Variants in MOB1B observed in about 807,000 individuals in gnomAD.
MOB1B encodes the protein MOB kinase activator 1B.
In MOB1B, 19 loss-of-function variants were observed where a neutral mutation model predicts 24.4. The observed-to-expected ratio is 0.78, with a 90% CI of 0.54 to 1.14. The LOEUF is 1.14. MOB1B is among the 50% of genes most tolerant of loss of function. MOB1B has a pLI of 0.00. For synonymous variants in MOB1B, 76 were observed against 82.1 expected (o/e 0.93, Z 0.40); for missense variants, 243 against 259.6 (o/e 0.94, Z 0.44).
At chr4:70,964,901 G>A (rs1738450462) in intron 2 of MOB1B, among the ~76,000 whole-genome samples, 1 of 149,968 alleles carries the variant, frequency 6.7e-6, no homozygotes, top group Non-Finnish European at 1.5e-5. Flanking sequence ...TTGCACTCCA[G>A]CCTAGGCAAC....
At chr4:70,933,613 G>A (rs532133687) in intron 1 of MOB1B, among the ~76,000 whole-genome samples, 3 of 139,596 alleles carry the variant, frequency 2.1e-5, no homozygotes, top group South Asian at 4.7e-4. Flanking sequence ...GTGCAATGGT[G>A]TGATCTCGGC....
chr4:70,972,750 A>C (rs1432632488), intron 3 of MOB1B, among the ~76,000 whole-genome samples: 1 of 149,816 alleles, frequency 6.7e-6, no homozygotes, highest in East Asian at 1.9e-4. Context: ...AGGTCTAAGC[A>C]ATACACAATT....
intron 3 of MOB1B, among the ~76,000 whole-genome samples, chr4:70,970,595 T>C (rs1738715087): frequency 6.6e-6 from 1 of 152,248 alleles, no homozygotes; most frequent in Non-Finnish European, 1.5e-5. Flanking sequence ...GTTGAATCAG[T>C]ACATTTTGGA....
chr4:70,968,126 AG>A (rs1418951443), intron 2 of MOB1B, among the ~76,000 whole-genome samples: 1 of 152,250 alleles, frequency 6.6e-6, no homozygotes, highest in Non-Finnish European at 1.5e-5. Context: ...CTGGGGTTAC[AG>A]GCGTGAGCCA....
rs202152238 is a variant in MOB1B, at chr4:70,911,897, C to CT, written c.14+9364dup. 6.8e-3 allele frequency among the ~76,000 whole-genome samples: 949 copies of CT among 139,726 alleles called. 9 individuals carry two copies. Among genetic ancestry groups the CT allele is most frequent in the African/African-American group, 0.017 (646 of 38,358 alleles). The allele number at this position is 139,726 out of a possible 152,430, so 91.7% of individuals were successfully genotyped here. Reference sequence around the variant, plus strand: ...TTTATATTAACCAACTTAAGGCCATCTTTTTTTTTTTTTTTTTGAGACAGG... The same window carrying CT: ...TTTATATTAACCAACTTAAGGCCATCTTTTTTTTTTTTTTTTTTGAGACAGG... On this transcript the variant is annotated intron_variant, in intron 1 of 5. Transcript: ENST00000309395.
At chr4:70,969,499 C>G (rs1738669505) in intron 2 of MOB1B, among the ~76,000 whole-genome samples, 2 of 152,106 alleles carry the variant, frequency 1.3e-5, no homozygotes, top group Non-Finnish European at 2.9e-5. Context: ...CTTTTTAGGG[C>G]CTATGGAATG....
intron 1 of MOB1B, among the ~76,000 whole-genome samples, chr4:70,905,455 C>T (rs1350449930): frequency 6.6e-6 from 1 of 151,758 alleles, no homozygotes; most frequent in East Asian, 1.9e-4. Flanking sequence ...TGCCATGTTG[C>T]CCAGGCTGGT....
intron 1 of MOB1B, among the ~76,000 whole-genome samples, chr4:70,942,485 C>T (rs1447845402): frequency 2.0e-5 from 3 of 151,810 alleles, no homozygotes; most frequent in African/African-American, 7.3e-5. Context: ...TCATAAATGC[C>T]ATGGTTTTGA....
Position 70,981,566 on chromosome 4 carries a change from A to C in MOB1B, c.574-414A>C, listed in dbSNP as rs192988757. Reference sequence around the variant, plus strand: ...GTAACCAGGTTTTGGCTTTTCATATAATGCTGAATTTGCCTGAGATGCTAG... The same window carrying C: ...GTAACCAGGTTTTGGCTTTTCATATCATGCTGAATTTGCCTGAGATGCTAG... On this transcript the variant is annotated intron_variant, in intron 5 of 5. Coordinates refer to ENST00000309395, the MANE Select transcript of MOB1B (RefSeq NM_173468.4). Among the ~76,000 whole-genome samples the C allele has an allele frequency of 1.9e-3, 283 of 152,272 alleles. 1 individual carries two copies. The highest frequency in any genetic ancestry group is 6.4e-3 in the African/African-American group (267 of 41,552).
intron 1 of MOB1B, among the ~76,000 whole-genome samples, chr4:70,910,730 C>A (rs1265846440): frequency 6.6e-6 from 1 of 151,818 alleles, no homozygotes. Flanking sequence ...ATAAAAATCA[C>A]TCATAATCAC....
intron 2 of MOB1B, among the ~76,000 whole-genome samples, chr4:70,967,123 T>C (rs1046380955): frequency 2.0e-5 from 3 of 151,976 alleles, no homozygotes; most frequent in Non-Finnish European, 4.4e-5. Flanking sequence ...ACCACCAATA[T>C]GTTACTGGAG....
chr4:70,936,511 C>T (rs567936957), intron 1 of MOB1B, among the ~76,000 whole-genome samples: 123 of 152,190 alleles, frequency 8.1e-4, no homozygotes, highest in East Asian at 3.9e-3. Context: ...CTGGCTCATT[C>T]GATCTTTTTG....
intron 1 of MOB1B, among the ~76,000 whole-genome samples, chr4:70,912,181 G>A (rs1316612355): frequency 6.6e-6 from 1 of 152,086 alleles, no homozygotes; most frequent in Admixed American, 6.6e-5. Context: ...ACAGGCGTGA[G>A]CCACCGTGCC....
chr4:70,934,115 C>T (rs1045835766), intron 1 of MOB1B, among the ~76,000 whole-genome samples: 15 of 151,752 alleles, frequency 9.9e-5, no homozygotes, highest in East Asian at 1.9e-4. Context: ...GGTGAAGTCT[C>T]GCTCTGTTGC....
intron 1 of MOB1B, among the ~76,000 whole-genome samples, chr4:70,926,280 T>TA (rs1172118594): frequency 6.6e-6 from 1 of 151,718 alleles, no homozygotes; most frequent in African/African-American, 2.4e-5. Context: ...TTTTTTTTTT[T>TA]AATTAACTGA....
chr4:70,988,125 G>A lies in MOB1B; in HGVS notation c.*6068G>A, dbSNP rs1207887411. 6.6e-6 allele frequency: 1 copy of A among 151,024 alleles called. No homozygotes were observed. The highest frequency in any genetic ancestry group is 1.5e-5 in the Non-Finnish European group (1 of 67,724). The allele number at this position is 151,024 out of a possible 1,614,324, so 9.4% of individuals were successfully genotyped here. A position where few individuals can be genotyped will look rare whatever the true frequency, so the allele number is the denominator to read the frequency against. On this transcript the variant is annotated 3_prime_UTR_variant, in exon 6 of 6. Transcript: ENST00000309395. Reference sequence around the variant, plus strand: ...TTTTTTTTTAAAGAAGAAACTCAATGTTTATAAGAAAAAAATGAATAAATA... The same window carrying A: ...TTTTTTTTTAAAGAAGAAACTCAATATTTATAAGAAAAAAATGAATAAATA...
intron 1 of MOB1B, among the ~76,000 whole-genome samples, chr4:70,914,639 A>C (rs538604278): frequency 1.3e-5 from 2 of 152,356 alleles, no homozygotes; most frequent in South Asian, 4.1e-4. Flanking sequence ...ACGAGTTCAC[A>C]TCACTACCTT....
chr4:70,932,713 C>T (rs1441208828), intron 1 of MOB1B, among the ~76,000 whole-genome samples: 1 of 152,126 alleles, frequency 6.6e-6, no homozygotes, highest in African/African-American at 2.4e-5. Flanking sequence ...TAAATTACAA[C>T]GTGGTACATG....
intron 1 of MOB1B, among the ~76,000 whole-genome samples, chr4:70,930,426 C>G (rs1736843662): frequency 6.6e-6 from 1 of 152,108 alleles, no homozygotes; most frequent in Non-Finnish European, 1.5e-5. Flanking sequence ...CTGATTATTT[C>G]AGGATGAAGA....
Sources: allele counts gnomAD v4.1 joint callset (sites outside exome capture counted in the v4.1 genomes callset), GRCh38; gene constraint gnomAD v4.1.1; transcripts MANE v1.5; gene names NCBI Gene and HGNC (gene_info 2026-07-23, HGNC 2026-07-21).